The following FBXO36 variants were observed in gnomAD, a reference collection of about 807,000 sequenced individuals.
The protein encoded by FBXO36 is F-box only protein 36.
Under a neutral mutation model 17.0 loss-of-function variants are expected in FBXO36, and 18 were observed. That is an observed-to-expected ratio of 1.06 (90% CI 0.73 to 1.57). The LOEUF (loss-of-function observed/expected upper bound fraction) is 1.57. FBXO36 is among the 40% of genes most tolerant of loss of function. The pLI is 0.00. For synonymous variants in FBXO36, 83 were observed against 85.3 expected (o/e 0.97, Z 0.15); for missense variants, 229 against 221.9 (o/e 1.03, Z -0.20).
At chr2:229,924,302 A>G (rs998645039) in intron 1 of FBXO36, among the ~76,000 whole-genome samples, 7 of 151,970 alleles carry the variant, frequency 4.6e-5, no homozygotes, top group African/African-American at 1.2e-4. Context: ...CATTTTGGCC[A>G]GAGTGGTCTC....
At chr2:229,979,586 C>G (rs1157353573) in intron 2 of FBXO36, among the ~76,000 whole-genome samples, 2 of 151,920 alleles carry the variant, frequency 1.3e-5, no homozygotes, top group East Asian at 1.9e-4. Context: ...TTGAGACCAG[C>G]TTGGCCAACA....
chr2:229,972,918 C>T (rs868747160), intron 1 of FBXO36, among the ~76,000 whole-genome samples: 2 of 151,746 alleles, frequency 1.3e-5, no homozygotes, highest in African/African-American at 4.8e-5. Context: ...AAAAATTAGC[C>T]AGGCGTGGTG....
intron 2 of FBXO36, among the ~76,000 whole-genome samples, chr2:229,985,328 A>T (rs1037899819): frequency 4.6e-5 from 7 of 152,166 alleles, no homozygotes; most frequent in Non-Finnish European, 8.8e-5. Flanking sequence ...CTGCTGTGTT[A>T]ATTATACTCC....
chr2:229,976,835 C>T (rs2077211349), intron 2 of FBXO36: 1 of 152,076 alleles, frequency 6.6e-6, no homozygotes, highest in Admixed American at 6.6e-5. Context: ...AAAAAAAGAT[C>T]CTAGGTTAAC....
intron 2 of FBXO36, chr2:229,977,066 G>A (rs1315100072): frequency 1.3e-5 from 2 of 152,140 alleles, no homozygotes; most frequent in African/African-American, 2.4e-5. Context: ...GACTGGTAAA[G>A]TCTCTGGTTA....
In FBXO36 at chr2:229,929,860, A is replaced by G. The variant is rs114499964; in HGVS notation, c.96+7251A>G. ...TGCAACAGAGTAAGACTTTGTCTCAAAAAAAGAAAGAATATTTTGCAGACT... is the reference window on the plus strand; with the variant it reads ...TGCAACAGAGTAAGACTTTGTCTCAGAAAAAGAAAGAATATTTTGCAGACT... On this transcript the variant is annotated intron_variant, in intron 1 of 3. Coordinates refer to ENST00000283946, the MANE Select transcript of FBXO36 (RefSeq NM_174899.5). Among the ~76,000 whole-genome samples, 218 of 152,310 alleles carry G rather than the reference A, an allele frequency of 1.4e-3. 1 individual carries two copies. The highest frequency in any genetic ancestry group is 5.0e-3 in the African/African-American group (207 of 41,558).
chr2:230,002,664 A>G (rs1978590), intron 3 of FBXO36, among the ~76,000 whole-genome samples: 151,170 of 152,266 alleles, frequency 0.99, 75,048 homozygotes, highest in Middle Eastern at 1. Flanking sequence ...GATTACAGGC[A>G]TGCGCCACCA....
chr2:230,005,365 T>C (rs1224338088), intron 3 of FBXO36, among the ~76,000 whole-genome samples: 2 of 152,032 alleles, frequency 1.3e-5, no homozygotes, highest in African/African-American at 2.4e-5. Flanking sequence ...CCTTCCAAAG[T>C]GTTGGGATTA....
intron 1 of FBXO36, among the ~76,000 whole-genome samples, chr2:229,947,261 G>A (rs1215136410): frequency 2.6e-5 from 4 of 152,188 alleles, no homozygotes; most frequent in Non-Finnish European, 4.4e-5. Flanking sequence ...TGTAGGTTGT[G>A]ACTATATGAT....
At chr2:229,931,794 G>A (rs1258433282) in intron 1 of FBXO36, among the ~76,000 whole-genome samples, 7 of 152,110 alleles carry the variant, frequency 4.6e-5, no homozygotes, top group African/African-American at 1.4e-4. Context: ...AGCCAAGATC[G>A]TGCCATTGCA....
chr2:230,004,013 G>A (rs1370904334), intron 3 of FBXO36, among the ~76,000 whole-genome samples: 5 of 152,182 alleles, frequency 3.3e-5, no homozygotes. Context: ...GTCATTTTCA[G>A]AATGAGGTCC....
rs895558753 is a variant in FBXO36 at position 230,000,471 on chromosome 2, G to A, written c.378+3548G>A. ...GTGGGGATCTAGCAAAAGTTTCTGCGCTGTTGCAGGGCCTGGATTTGATTT... is the reference window on the plus strand; with the variant it reads ...GTGGGGATCTAGCAAAAGTTTCTGCACTGTTGCAGGGCCTGGATTTGATTT... On this transcript the variant is annotated intron_variant, in intron 3 of 3. Coordinates refer to ENST00000283946, the MANE Select transcript of FBXO36 (RefSeq NM_174899.5). Among the ~76,000 whole-genome samples the A allele has an allele frequency of 6.6e-5, 10 of 151,664 alleles. No individual in the cohort carries two copies. The East Asian group carries it at 1.4e-3, about 21-fold the overall frequency.
At chr2:229,997,134 G>C (rs191623828) in intron 3 of FBXO36, among the ~76,000 whole-genome samples, 7 of 151,866 alleles carry the variant, frequency 4.6e-5, no homozygotes, top group African/African-American at 1.7e-4. Flanking sequence ...ATAATACAGC[G>C]TGATCAGTTC....
At chr2:229,976,636 T>C (rs1384991534) in intron 2 of FBXO36, 1 of 245,478 alleles carries the variant, frequency 4.1e-6, no homozygotes, top group Non-Finnish European at 7.8e-6. Flanking sequence ...CTGGCCAAGA[T>C]GGTGAAACCC....
intron 1 of FBXO36, among the ~76,000 whole-genome samples, chr2:229,966,339 C>T (rs999837953): frequency 1.2e-4 from 18 of 152,252 alleles, no homozygotes; most frequent in African/African-American, 3.9e-4. Flanking sequence ...TGCCTGTTCA[C>T]TCTGATGGTA....
intron 1 of FBXO36, among the ~76,000 whole-genome samples, chr2:229,928,705 A>G (rs79365720): frequency 0.017 from 2,601 of 152,286 alleles, 70 homozygotes; most frequent in African/African-American, 0.059. Flanking sequence ...TTTAGAGTGC[A>G]AATTGATTAA....
At chr2:230,009,744 A>G (rs559203133) in intron 3 of FBXO36, among the ~76,000 whole-genome samples, 1 of 151,758 alleles carries the variant, frequency 6.6e-6, no homozygotes, top group African/African-American at 2.4e-5. Flanking sequence ...GGACTTCGAG[A>G]CCAGCCTGAT....
chr2:229,935,613 A>G (rs923337893), intron 1 of FBXO36, among the ~76,000 whole-genome samples: 3 of 152,218 alleles, frequency 2.0e-5, no homozygotes, highest in African/African-American at 7.2e-5. Flanking sequence ...TTGGTATTTG[A>G]TAAGGAGATA....
At chr2:229,923,810 T>TGAAA (rs1385921432) in intron 1 of FBXO36, among the ~76,000 whole-genome samples, 4 of 150,694 alleles carry the variant, frequency 2.7e-5, no homozygotes, top group African/African-American at 7.3e-5. Context: ...TATGAAATAC[T>TGAAA]GAAAGGTATC....
Sources: gnomAD v4.1 joint callset for allele counts (sites outside exome capture counted in the v4.1 genomes callset) on GRCh38, gnomAD v4.1.1 for gene constraint, MANE v1.5 for transcripts, NCBI Gene and HGNC (gene_info 2026-07-23, HGNC 2026-07-21) for gene names.